The following PDE1A variants were observed in gnomAD, a reference collection of about 807,000 sequenced individuals.
The protein encoded by PDE1A is phosphodiesterase 1A.
PDE1A carries 35 observed loss-of-function variants against 61.7 expected under a neutral mutation model. The observed-to-expected ratio is 0.57, with a 90% CI of 0.43 to 0.75. The LOEUF (loss-of-function observed/expected upper bound fraction) is 0.75. Ranked by LOEUF, PDE1A falls within the 30% of genes least tolerant of loss-of-function variation. The pLI, the probability that PDE1A is intolerant of heterozygous loss-of-function variation, is 0.00. For synonymous variants in PDE1A, 232 were observed against 213.2 expected, an observed-to-expected ratio of 1.09 and a Z score of -0.77; for missense variants, 597 against 630.6, an observed-to-expected ratio of 0.95 and a Z score of 0.57.
exon 1 of PDE1A, chr2:182,426,939 A>C (rs1703661874): frequency 1.8e-6 from 2 of 1,093,492 alleles, no homozygotes; most frequent in Non-Finnish European, 2.2e-6. Context: ...AACAAAACAA[A>C]CAGAAAACTT....
At chr2:182,542,208 C>T in the PDE1A span, among the ~76,000 whole-genome samples, 2 of 152,068 alleles carry the variant, frequency 1.3e-5, no homozygotes, top group Non-Finnish European at 2.9e-5. Flanking sequence ...AAAATATATA[C>T]TTTAAGTTAA....
the PDE1A span, among the ~76,000 whole-genome samples, chr2:182,532,178 C>A: frequency 6.6e-6 from 1 of 152,076 alleles, no homozygotes; most frequent in African/African-American, 2.4e-5. Flanking sequence ...TTCTATAACG[C>A]TGTAGGATGA....
chr2:182,586,746 C>T, the PDE1A span, among the ~76,000 whole-genome samples: 1 of 152,078 alleles, frequency 6.6e-6, no homozygotes, highest in African/African-American at 2.4e-5. Context: ...AGATCAATGG[C>T]CCCTAGATGA....
At chr2:182,609,751 A>C in the PDE1A span, among the ~76,000 whole-genome samples, 1 of 152,238 alleles carries the variant, frequency 6.6e-6, no homozygotes, top group African/African-American at 2.4e-5. Flanking sequence ...AATTCCAGAC[A>C]CAATCAGATT....
At chr2:182,289,271 C>G (rs1574261837) in intron 1 of PDE1A, among the ~76,000 whole-genome samples, 1 of 152,154 alleles carries the variant, frequency 6.6e-6, no homozygotes, top group East Asian at 1.9e-4. Context: ...ACTTCTTTCC[C>G]TTTCTAGCTA....
At chr2:182,298,605 A>G (rs888148328) in intron 1 of PDE1A, among the ~76,000 whole-genome samples, 1 of 152,082 alleles carries the variant, frequency 6.6e-6, no homozygotes, top group Non-Finnish European at 1.5e-5. Context: ...TTTACTGGAG[A>G]CTATACAAAG....
the PDE1A span, among the ~76,000 whole-genome samples, chr2:182,538,633 T>C: frequency 6.6e-6 from 1 of 152,198 alleles, no homozygotes. Context: ...ATCTTATGAA[T>C]AGATTCTAAA....
intron 1 of PDE1A, among the ~76,000 whole-genome samples, chr2:182,403,583 A>C (rs1486333119): frequency 2.8e-5 from 4 of 143,450 alleles, no homozygotes; most frequent in African/African-American, 7.8e-5. Flanking sequence ...TGGGCGACAG[A>C]GCCAGACTCC....
chr2:182,634,431 T>C, the PDE1A span, among the ~76,000 whole-genome samples: 1 of 152,094 alleles, frequency 6.6e-6, no homozygotes, highest in Admixed American at 6.5e-5. Flanking sequence ...AGATTAAAAG[T>C]AGAGAAAATG....
At chr2:182,465,489 C>T (rs1275471134) in intron 2 of PDE1A, among the ~76,000 whole-genome samples, 3 of 151,774 alleles carry the variant, frequency 2.0e-5, no homozygotes, top group Admixed American at 2.0e-4. Flanking sequence ...TCCTAATGAA[C>T]CACAGGAATT....
intron 1 of PDE1A, among the ~76,000 whole-genome samples, chr2:182,269,009 T>C (rs530355665): frequency 6.6e-6 from 1 of 152,210 alleles, no homozygotes; most frequent in South Asian, 2.1e-4. Flanking sequence ...TGAGTTAAAA[T>C]TAACCCAGAT....
the PDE1A span, among the ~76,000 whole-genome samples, chr2:182,614,826 G>A: frequency 4.6e-5 from 7 of 152,084 alleles, no homozygotes; most frequent in Non-Finnish European, 1.0e-4. Context: ...CAAAGTGCTG[G>A]GATTACAGGC....
chr2:182,689,780 A>G, the PDE1A span, among the ~76,000 whole-genome samples: 2 of 152,242 alleles, frequency 1.3e-5, no homozygotes, highest in African/African-American at 4.8e-5. Flanking sequence ...ATAGACCGCT[A>G]GCAAGACTAA....
At chr2:182,379,439 T>C (rs1028648200) in intron 1 of PDE1A, among the ~76,000 whole-genome samples, 1 of 152,240 alleles carries the variant, frequency 6.6e-6, no homozygotes, top group Non-Finnish European at 1.5e-5. Flanking sequence ...ACAGGATCTC[T>C]GCAGATCTTT....
At chr2:182,213,343 T>A in intron 7 of PDE1A, among the ~76,000 whole-genome samples, 1 of 93,352 alleles carries the variant, frequency 1.1e-5, no homozygotes, top group Non-Finnish European at 2.1e-5. Flanking sequence ...AACTGGAAAC[T>A]CTAAAAAGCA....
intron 10 of PDE1A, among the ~76,000 whole-genome samples, chr2:182,199,026 C>T (rs1203883494): frequency 6.6e-6 from 1 of 151,926 alleles, no homozygotes; most frequent in Non-Finnish European, 1.5e-5. Context: ...ACTTTTGAAA[C>T]AGATATATGA....
At chr2:182,471,556 C>CT (rs1357236758) in intron 2 of PDE1A, among the ~76,000 whole-genome samples, 1 of 151,724 alleles carries the variant, frequency 6.6e-6, no homozygotes, top group Non-Finnish European at 1.5e-5. Flanking sequence ...AACCCAATTC[C>CT]TTTTACCTAT....
the PDE1A span, among the ~76,000 whole-genome samples, chr2:182,659,133 A>G: frequency 2.0e-5 from 3 of 152,188 alleles, no homozygotes; most frequent in South Asian, 4.1e-4. Context: ...TGTAAGTTCC[A>G]TCTACTTAAC....
At chr2:182,498,955 T>TA (rs1366734360) in intron 2 of PDE1A, among the ~76,000 whole-genome samples, 4 of 150,734 alleles carry the variant, frequency 2.7e-5, no homozygotes, top group Non-Finnish European at 4.4e-5. Context: ...AATAAAAAAA[T>TA]AAAAAAATGA....
Sources: gnomAD v4.1 joint callset for allele counts (sites outside exome capture counted in the v4.1 genomes callset) on GRCh38, gnomAD v4.1.1 for gene constraint, MANE v1.5 for transcripts, NCBI Gene and HGNC (gene_info 2026-07-23, HGNC 2026-07-21) for gene names.